The following LIN7C variants were observed in gnomAD, a reference collection of about 807,000 sequenced individuals.
LIN7C encodes protein lin-7 homolog C.
A neutral mutation model predicts 24.7 loss-of-function variants in LIN7C; 17 were observed. The ratio of observed to expected loss-of-function variants is 0.69; its 90% confidence interval spans 0.47 to 1.03. The LOEUF is 1.03. Ranked by LOEUF, LIN7C falls within the 50% of genes least tolerant of loss-of-function variation. The probability of loss-of-function intolerance (pLI) is 0.00; values close to 1 mark genes in which losing one functional copy is unlikely to be tolerated. For synonymous variants in LIN7C, 90 were observed against 83.4 expected (o/e 1.08, Z -0.43); for missense variants, 204 against 239.0 (o/e 0.85, Z 0.97).
chr11:27,504,230 C>G (rs1035609585), intron 1 of LIN7C, among the ~76,000 whole-genome samples: 1 of 151,982 alleles, frequency 6.6e-6, no homozygotes, highest in Non-Finnish European at 1.5e-5. Context: ...CCAGAATGAC[C>G]GATACATGGG....
rs1865160676 is a variant in LIN7C, at chr11:27,495,702, T to G, written c.*2947A>C. 1 of 141,084 alleles carries G rather than the reference T, an allele frequency of 7.1e-6. No individual in the cohort carries two copies. The highest frequency in any genetic ancestry group is 7.1e-5 in the Admixed American group (1 of 14,034). The allele number at this position is 141,084 out of a possible 1,614,324, so 8.7% of individuals were successfully genotyped here. A position where few individuals can be genotyped will look rare whatever the true frequency, so the allele number is the denominator to read the frequency against. On this transcript the variant is annotated 3_prime_UTR_variant, in exon 5 of 5. Coordinates refer to ENST00000278193, the MANE Select transcript of LIN7C (RefSeq NM_018362.4). ...AAAGGGGGCAGAATGATGACAGACA[T>G]AAAAAGCTCACATTTAAATTACTGG...
At position 27,497,433 on chromosome 11, in the gene LIN7C, T is replaced by G. The variant is rs1245193916; in HGVS notation, c.*1216A>C. On this transcript the variant is annotated 3_prime_UTR_variant, in exon 5 of 5. Transcript: ENST00000278193. ...GACCTCAGTCACAGTCCCACACTAATAGCTGCCTTTTAGTAAAATAGTGAC... is the reference window on the plus strand; with the variant it reads ...GACCTCAGTCACAGTCCCACACTAAGAGCTGCCTTTTAGTAAAATAGTGAC... 1 of 152,550 alleles carries G rather than the reference T, an allele frequency of 6.6e-6. No individual in the cohort carries two copies. Among genetic ancestry groups the G allele is most frequent in the Non-Finnish European group, 1.5e-5 (1 of 67,946 alleles). The allele number at this position is 152,550 out of a possible 1,614,324, so 9.4% of individuals were successfully genotyped here. A position where few individuals can be genotyped will look rare whatever the true frequency, so the allele number is the denominator to read the frequency against.
intron 3 of LIN7C, among the ~76,000 whole-genome samples, chr11:27,500,124 C>T (rs1865209065): frequency 6.6e-6 from 1 of 151,960 alleles, no homozygotes; most frequent in Admixed American, 6.6e-5. Flanking sequence ...CATTCAGTGC[C>T]CACTCTTTTG....
At position 27,495,385 on chromosome 11, in the gene LIN7C, TTGAAC is replaced by T. The variant is rs1411816441; in HGVS notation, c.*3259_*3263del. On this transcript the variant is annotated 3_prime_UTR_variant, in exon 5 of 5. Coordinates refer to ENST00000278193, the MANE Select transcript of LIN7C (RefSeq NM_018362.4). ...CGGGAGGCTGAGGCAGGAGAATTGCTTGAACTGCCTTGAGGTGGCGGAGGCTGAAG... is the reference window on the plus strand; with the variant it reads ...CGGGAGGCTGAGGCAGGAGAATTGCTTGCCTTGAGGTGGCGGAGGCTGAAG... 1 of 152,042 alleles carries T rather than the reference TTGAAC, an allele frequency of 6.6e-6. No homozygotes were observed. Among genetic ancestry groups the T allele is most frequent in the African/African-American group, 2.4e-5 (1 of 41,360 alleles). 9.4% of individuals were successfully genotyped at this position (152,042 alleles called of 1,614,324 possible).
chr11:27,504,794 A>G (rs1305893060), intron 1 of LIN7C, among the ~76,000 whole-genome samples: 1 of 152,126 alleles, frequency 6.6e-6, no homozygotes, highest in Non-Finnish European at 1.5e-5. Flanking sequence ...TTGTTTAGGG[A>G]ATAAGGACAA....
intron 1 of LIN7C, among the ~76,000 whole-genome samples, chr11:27,502,351 T>C (rs184064233): frequency 6.6e-6 from 1 of 152,124 alleles, no homozygotes; most frequent in East Asian, 1.9e-4. Flanking sequence ...ACCAAAGCAC[T>C]GAACAGTACA....
Position 27,506,636 on chromosome 11 carries a change from G to GGTCACT in LIN7C, c.37+74_37+79dup. 3 of 1,506,256 alleles carry GGTCACT rather than the reference G, an allele frequency of 2.0e-6. No individual in the cohort carries two copies. In the South Asian group the frequency reaches 3.4e-5, roughly 17 times the overall value. 93.3% of individuals were successfully genotyped at this position (1,506,256 alleles called of 1,614,324 possible). ...AGCGTGGCCCGGATCTCAGAGCCTG[G>GGTCACT]GTCACTCCTCCTCCCCTCCAGCGAC... is the stretch of plus-strand genomic sequence containing the variant. On this transcript the variant is annotated intron_variant, in intron 1 of 4. Coordinates refer to ENST00000278193, the MANE Select transcript of LIN7C (RefSeq NM_018362.4).
chr11:27,499,608 T>A (rs1431998574), intron 3 of LIN7C, 40 bp from the exon 4 acceptor site: 2 of 1,545,098 alleles, frequency 1.3e-6, no homozygotes, highest in Non-Finnish European at 1.8e-6. Flanking sequence ...TGACTTTTAT[T>A]TACTTCAGTT....
rs1271982799 is a variant in LIN7C, at chr11:27,497,955, TAAG to T, written c.*691_*693del. 6.6e-6 allele frequency: 1 copy of T among 152,192 alleles called. No individual in the cohort carries two copies. The highest frequency in any genetic ancestry group is 2.4e-5 in the African/African-American group (1 of 41,460). The allele number at this position is 152,192 out of a possible 1,614,324, so 9.4% of individuals were successfully genotyped here. A position where few individuals can be genotyped will look rare whatever the true frequency, so the allele number is the denominator to read the frequency against. Reference sequence around the variant, plus strand: ...TCCTCTTGCCTCAATGCTCAAATATTAAGAATATGTATTTTAGCAATGATTGTT... The same window carrying T: ...TCCTCTTGCCTCAATGCTCAAATATTAATATGTATTTTAGCAATGATTGTT... On this transcript the variant is annotated 3_prime_UTR_variant, in exon 5 of 5. Transcript: ENST00000278193.
rs1332369385 is a variant in LIN7C at position 27,497,010 on chromosome 11, CAATT to C, written c.*1635_*1638del. ...TTTGGTCTCAACATTTTTAAAACAT[CAATT>C]AATTTTGAAAATTTACAATTTAACA... On this transcript the variant is annotated 3_prime_UTR_variant, in exon 5 of 5. Transcript: ENST00000278193. 6.6e-6 allele frequency: 1 copy of C among 152,552 alleles called. No homozygotes were observed. The allele number at this position is 152,552 out of a possible 1,614,324, so 9.4% of individuals were successfully genotyped here.
Position 27,501,839 on chromosome 11 carries a change from CTT to C in LIN7C, c.117_118del (p.Arg40SerfsTer5), listed in dbSNP as rs760428610. Reference sequence around the variant, plus strand: ...ATTGCAGAATTCACTTTGAAGGACTCTTTGCAAAGCCTGAAGTTTCTGTGGTG... The same window carrying C: ...ATTGCAGAATTCACTTTGAAGGACTCTGCAAAGCCTGAAGTTTCTGTGGTG... On this transcript the variant is annotated frameshift_variant, in exon 2 of 5. Coordinates refer to ENST00000278193, the MANE Select transcript of LIN7C (RefSeq NM_018362.4). LOFTEE classifies it high-confidence loss of function. 1.9e-6 allele frequency: 3 copies of C among 1,613,004 alleles called. No homozygotes were observed. The highest frequency in any genetic ancestry group is 1.7e-6 in the Non-Finnish European group (2 of 1,179,122).
At position 27,495,959 on chromosome 11, in the gene LIN7C, C is replaced by G. The variant is rs1452142196; in HGVS notation, c.*2690G>C. On this transcript the variant is annotated 3_prime_UTR_variant, in exon 5 of 5. Transcript: ENST00000278193. ...TCCAGCCTGGGAGACAAAGCAAGAT[C>G]CTGTCTCTTTTAAAACAAAAAACAA... 2.0e-5 allele frequency: 3 copies of G among 150,620 alleles called. No homozygotes were observed. The highest frequency in any genetic ancestry group is 4.4e-5 in the Non-Finnish European group (3 of 67,744). 9.3% of individuals were successfully genotyped at this position (150,620 alleles called of 1,614,324 possible).
chr11:27,501,379 T>C, intron 3 of LIN7C, 116 bp downstream of exon 3: 1 of 675,394 alleles, frequency 1.5e-6, no homozygotes, highest in South Asian at 1.8e-5. Context: ...AAATTTGGTG[T>C]AGCTTGAAAG....
At chr11:27,502,864 C>T (rs1865239033) in intron 1 of LIN7C, among the ~76,000 whole-genome samples, 1 of 152,198 alleles carries the variant, frequency 6.6e-6, no homozygotes, top group Admixed American at 6.5e-5. Context: ...GTAATCCCAG[C>T]ACTTTGGGAG....
Position 27,498,552 on chromosome 11 carries a change from T to C in LIN7C, c.*97A>G, listed in dbSNP as rs937475067. 1.8e-6 allele frequency: 2 copies of C among 1,122,914 alleles called. 1 individual carries two copies. The highest frequency in any genetic ancestry group is 3.0e-5 in the South Asian group (2 of 65,702). 69.6% of individuals were successfully genotyped at this position (1,122,914 alleles called of 1,614,324 possible). On this transcript the variant is annotated 3_prime_UTR_variant, in exon 5 of 5. Transcript: ENST00000278193. ...AGGAGAATTTCATGATAAATTTGTTTGTTTTCTTACAATCATTGGCATTGC... is the reference window on the plus strand; with the variant it reads ...AGGAGAATTTCATGATAAATTTGTTCGTTTTCTTACAATCATTGGCATTGC...
rs1264799433 is a variant in LIN7C at position 27,495,446 on chromosome 11, C to T, written c.*3203G>A. On this transcript the variant is annotated 3_prime_UTR_variant, in exon 5 of 5. Coordinates refer to ENST00000278193, the MANE Select transcript of LIN7C (RefSeq NM_018362.4). ...CGAGATCACACCACTGCACGCCAGCCTGGGCAACAGAGCAAGACTCTGTCT... is the reference window on the plus strand; with the variant it reads ...CGAGATCACACCACTGCACGCCAGCTTGGGCAACAGAGCAAGACTCTGTCT... 1 of 151,544 alleles carries T rather than the reference C, an allele frequency of 6.6e-6. No homozygotes were observed. Among genetic ancestry groups the T allele is most frequent in the Non-Finnish European group, 1.5e-5 (1 of 68,022 alleles). The allele number at this position is 151,544 out of a possible 1,614,324, so 9.4% of individuals were successfully genotyped here. A position where few individuals can be genotyped will look rare whatever the true frequency, so the allele number is the denominator to read the frequency against.
intron 1 of LIN7C, among the ~76,000 whole-genome samples, chr11:27,502,195 C>A (rs541181360): frequency 1.9e-4 from 29 of 152,248 alleles, no homozygotes; most frequent in African/African-American, 7.0e-4. Context: ...TGGAGAAACA[C>A]AGGCAAATTG....
Position 27,498,543 on chromosome 11 carries a change from A to G in LIN7C, c.*106T>C. 1 of 1,036,742 alleles carries G rather than the reference A, an allele frequency of 9.6e-7. No individual in the cohort carries two copies. The highest frequency in any genetic ancestry group is 1.4e-6 in the Non-Finnish European group (1 of 702,616). The allele number at this position is 1,036,742 out of a possible 1,614,324, so 64.2% of individuals were successfully genotyped here. A position where few individuals can be genotyped will look rare whatever the true frequency, so the allele number is the denominator to read the frequency against. The stretch of plus-strand genomic sequence containing the variant: ...AAAATGACAAGGAGAATTTCATGAT[A>G]AATTTGTTTGTTTTCTTACAATCAT... On this transcript the variant is annotated 3_prime_UTR_variant, in exon 5 of 5. Coordinates refer to ENST00000278193, the MANE Select transcript of LIN7C (RefSeq NM_018362.4).
chr11:27,506,553 G>A (rs1426383214), intron 1 of LIN7C, among the ~76,000 whole-genome samples, 163 bp downstream of exon 1: 1 of 152,148 alleles, frequency 6.6e-6, no homozygotes, highest in African/African-American at 2.4e-5. Context: ...TACCGTAAGC[G>A]CCCTTCCTAG....
Sources: gnomAD v4.1 joint callset for allele counts (sites outside exome capture counted in the v4.1 genomes callset) on GRCh38, gnomAD v4.1.1 for gene constraint, MANE v1.5 for transcripts, NCBI Gene and HGNC (gene_info 2026-07-23, HGNC 2026-07-21) for gene names.